The following LTBP1 variants were observed in gnomAD, a reference collection of about 807,000 sequenced individuals.
LTBP1 encodes latent transforming growth factor beta binding protein 1, also known as latent-transforming growth factor beta-binding protein 1.
A neutral mutation model predicts 207.6 loss-of-function variants in LTBP1; 129 were observed. The observed-to-expected ratio is 0.62, with a 90% confidence interval of 0.54 to 0.72. The LOEUF is 0.72. Among genes scored for constraint, LTBP1 ranks in the 30% least tolerant of loss-of-function variants. The probability of loss-of-function intolerance (pLI) is 0.00; values close to 1 mark genes in which losing one functional copy is unlikely to be tolerated. For synonymous variants in LTBP1, 963 were observed against 833.7 expected (o/e 1.16, Z -2.67); for missense variants, 2,281 against 2,217.2 (o/e 1.03, Z -0.58).
At chr2:33,319,994 C>CTGGG (rs2094330702) in intron 24 of LTBP1, among the ~76,000 whole-genome samples, 1 of 152,168 alleles carries the variant, frequency 6.6e-6, no homozygotes. Context: ...GTTCTAGGTA[C>CTGGG]TGGGGCCTTG....
At position 33,309,276 on chromosome 2, in the gene LTBP1, G is replaced by A. The variant is rs572655761; in HGVS notation, c.3482-158G>A. On this transcript the variant is annotated intron_variant, in intron 22 of 33. Coordinates refer to ENST00000404816, the MANE Select transcript of LTBP1 (RefSeq NM_206943.4). ...CCAGCATGGGTGATGGCAAGACTCCGTCTCAAAAAAAAAAAAAAAAAGTTA... is the reference window on the plus strand; with the variant it reads ...CCAGCATGGGTGATGGCAAGACTCCATCTCAAAAAAAAAAAAAAAAAGTTA... Among the ~76,000 whole-genome samples the A allele has an allele frequency of 2.4e-3, 324 of 137,336 alleles. 2 individuals are homozygous for A. Among genetic ancestry groups the A allele is most frequent in the African/African-American group, 8.6e-3 (311 of 36,016 alleles). 90.1% of individuals were successfully genotyped at this position (137,336 alleles called of 152,430 possible).
chr2:33,265,030 T>C (rs1297660279), intron 15 of LTBP1, among the ~76,000 whole-genome samples: 5 of 152,206 alleles, frequency 3.3e-5, no homozygotes, highest in Non-Finnish European at 7.3e-5. Flanking sequence ...GATGGATGTC[T>C]CAGCTGAAGT....
chr2:33,293,129 T>G (rs779939500), intron 19 of LTBP1, 31 bp from the exon 20 acceptor site: 1 of 1,598,230 alleles, frequency 6.3e-7, no homozygotes, highest in South Asian at 1.1e-5. Context: ...TCTTCTTTTT[T>G]TGTTCTTTCC....
intron 26 of LTBP1, among the ~76,000 whole-genome samples, chr2:33,352,460 A>G (rs1447863258): frequency 1.3e-5 from 2 of 152,084 alleles, no homozygotes; most frequent in African/African-American, 2.4e-5. Context: ...AGACATCGAT[A>G]CTAGAAATTC....
In LTBP1 at chr2:32,989,420, A is replaced by G. The variant is rs149015367; in HGVS notation, c.566-31489A>G. Among the ~76,000 whole-genome samples the G allele has an allele frequency of 6.1e-3, 924 of 152,332 alleles. 4 individuals carry two copies. The highest frequency in any genetic ancestry group is 0.019 in the African/African-American group (782 of 41,566). On this transcript the variant is annotated intron_variant, in intron 2 of 33. Transcript: ENST00000404816. ...GTTTTCTACATCTTACATGGTGTAT[A>G]TTACTCAAAGGTAATGAAAGGCAGA...
intron 7 of LTBP1, among the ~76,000 whole-genome samples, chr2:33,195,636 G>C (rs947317612): frequency 6.6e-6 from 1 of 152,146 alleles, no homozygotes; most frequent in Non-Finnish European, 1.5e-5. Context: ...TCGACTCCTG[G>C]TGTAGATGCT....
At chr2:33,365,566 T>G (rs1341816325) in intron 31 of LTBP1, 63 bp downstream of exon 31, 1 of 1,509,970 alleles carries the variant, frequency 6.6e-7, no homozygotes, top group Admixed American at 1.8e-5. Flanking sequence ...TCACCTCCTT[T>G]GTAGCCTGAC....
At chr2:32,986,366 G>A (rs539578053) in intron 2 of LTBP1, among the ~76,000 whole-genome samples, 11 of 152,258 alleles carry the variant, frequency 7.2e-5, no homozygotes, top group Admixed American at 6.5e-4. Flanking sequence ...TGGTGTGCAG[G>A]CAGATCCTTT....
chr2:32,953,916 T>C (rs1677611613), intron 2 of LTBP1, among the ~76,000 whole-genome samples: 1 of 152,210 alleles, frequency 6.6e-6, no homozygotes, highest in Admixed American at 6.5e-5. Context: ...GTGTGAGGGC[T>C]ATGTCACCAC....
chr2:33,170,734 C>T (rs1033367397), intron 5 of LTBP1, among the ~76,000 whole-genome samples: 34 of 141,046 alleles, frequency 2.4e-4, no homozygotes, highest in Admixed American at 2.2e-3. Context: ...CCCTGACCCC[C>T]GAGCAGCCTA....
chr2:33,027,939 G>T (rs979600919), intron 3 of LTBP1, among the ~76,000 whole-genome samples: 3 of 152,224 alleles, frequency 2.0e-5, no homozygotes, highest in Non-Finnish European at 4.4e-5. Context: ...CCTAATCCAT[G>T]AAAACCATGT....
At chr2:33,031,598 T>G (rs368556095) in intron 3 of LTBP1, among the ~76,000 whole-genome samples, 1 of 152,168 alleles carries the variant, frequency 6.6e-6, no homozygotes, top group African/African-American at 2.4e-5. Flanking sequence ...TGGCAGGGGC[T>G]GGAGGACTGG....
At chr2:33,243,569 A>AG in intron 9 of LTBP1, 93 bp from the exon 10 acceptor site, 1 of 1,130,522 alleles carries the variant, frequency 8.8e-7, no homozygotes, top group Non-Finnish European at 1.3e-6. Flanking sequence ...CTAAAAGATT[A>AG]CTATAGTGAA....
At chr2:33,099,235 T>C (rs2079568040) in intron 3 of LTBP1, among the ~76,000 whole-genome samples, 1 of 152,208 alleles carries the variant, frequency 6.6e-6, no homozygotes, top group African/African-American at 2.4e-5. Flanking sequence ...TCAATATTTA[T>C]TACTTAGGTG....
intron 7 of LTBP1, among the ~76,000 whole-genome samples, chr2:33,208,176 C>T (rs2090019642): frequency 6.6e-6 from 1 of 152,158 alleles, no homozygotes; most frequent in Admixed American, 6.5e-5. Flanking sequence ...GAGTAATGTG[C>T]TTCTGAATGT....
chr2:33,125,525 T>G (rs2081380968), intron 4 of LTBP1, among the ~76,000 whole-genome samples: 1 of 152,122 alleles, frequency 6.6e-6, no homozygotes, highest in Non-Finnish European at 1.5e-5. Flanking sequence ...AGTTATCAGT[T>G]GCTGCATAAA....
At chr2:33,347,776 G>A (rs1183056937) in intron 26 of LTBP1, among the ~76,000 whole-genome samples, 2 of 152,146 alleles carry the variant, frequency 1.3e-5, no homozygotes, top group Non-Finnish European at 2.9e-5. Context: ...AAAATGATGA[G>A]GACATTTGCT....
At chr2:33,286,626 G>C (rs905300982) in intron 19 of LTBP1, among the ~76,000 whole-genome samples, 1 of 152,188 alleles carries the variant, frequency 6.6e-6, no homozygotes, top group African/African-American at 2.4e-5. Flanking sequence ...TTATTGAGCT[G>C]TTGTCTGTGT....
At chr2:33,354,045 A>G (rs2094821168) in intron 26 of LTBP1, among the ~76,000 whole-genome samples, 1 of 151,958 alleles carries the variant, frequency 6.6e-6, no homozygotes, top group Non-Finnish European at 1.5e-5. Context: ...TTGTATTTTT[A>G]GTAGAGACGG....
Sources: gnomAD v4.1 joint callset for allele counts (sites outside exome capture counted in the v4.1 genomes callset) on GRCh38, gnomAD v4.1.1 for gene constraint, MANE v1.5 for transcripts, NCBI Gene and HGNC (gene_info 2026-07-23, HGNC 2026-07-21) for gene names.